ERMP1: variants seen among roughly 807,000 people sequenced by gnomAD.
The protein encoded by ERMP1 is endoplasmic reticulum metallopeptidase 1, also known as Felix-ina.
In ERMP1, 86 loss-of-function variants were observed where a neutral mutation model predicts 92.0. That is an observed-to-expected ratio of 0.93 (90% confidence interval 0.79 to 1.12). The LOEUF is 1.12. Ranked by LOEUF, ERMP1 falls within the 50% of genes most tolerant of loss-of-function variation. ERMP1 has a pLI of 0.00. For synonymous variants in ERMP1, 530 were observed against 412.8 expected, an observed-to-expected ratio of 1.28 and a Z score of -3.44; for missense variants, 1,342 against 1,116.3, an observed-to-expected ratio of 1.20 and a Z score of -2.88.
chr9:5,797,759 CACTTATTA>C (rs1828492753), intron 13 of ERMP1, 50 bp downstream of exon 13: 1 of 1,008,076 alleles, frequency 9.9e-7, no homozygotes, highest in African/African-American at 1.6e-5. Context: ...ACATACATGC[CACTTATTA>C]ACAAGTTTAA....
rs991489241 is a variant in ERMP1, at chr9:5,833,082, G to C, written c.-55C>G. On this transcript the variant is annotated 5_prime_UTR_variant, in exon 1 of 15. Coordinates refer to ENST00000339450, the MANE Select transcript of ERMP1 (RefSeq NM_024896.3). ...GCCCCAACCCGCGACAGCCCCGGCC[G>C]CCGCCGACGCCGCCGTCGCTGCCGC... The C allele has an allele frequency of 1.7e-5, 23 of 1,349,826 alleles. No individual in the cohort carries two copies. Among genetic ancestry groups the C allele is most frequent in the Non-Finnish European group, 2.0e-5 (21 of 1,045,182 alleles). 83.6% of individuals were successfully genotyped at this position (1,349,826 alleles called of 1,614,324 possible). A position where few individuals can be genotyped will look rare whatever the true frequency, so the allele number is the denominator to read the frequency against.
chr9:5,833,497 G>A (rs1374637755), upstream of ERMP1, among the ~76,000 whole-genome samples: 1 of 152,150 alleles, frequency 6.6e-6, no homozygotes, highest in Admixed American at 6.5e-5. Flanking sequence ...CGCAGAGGAG[G>A]CCCGGCCTAT....
chr9:5,844,167 C>G (rs573154675), intron 6 of ERMP1, among the ~76,000 whole-genome samples: 2 of 152,318 alleles, frequency 1.3e-5, no homozygotes, highest in South Asian at 4.1e-4. Flanking sequence ...ATCCTACATC[C>G]TGAGACTTCC....
At chr9:5,864,178 T>G (rs1008463975) in intron 5 of ERMP1, among the ~76,000 whole-genome samples, 3 of 152,248 alleles carry the variant, frequency 2.0e-5, no homozygotes, top group African/African-American at 7.2e-5. Context: ...TACATTTCAT[T>G]GATCAATGAA....
intron 13 of ERMP1, among the ~76,000 whole-genome samples, chr9:5,788,505 A>C (rs1828033323): frequency 6.6e-6 from 1 of 152,224 alleles, no homozygotes; most frequent in African/African-American, 2.4e-5. Context: ...AGAAAAATCC[A>C]GTCAAAAAAG....
Position 5,847,715 on chromosome 9 carries a change from A to G in ERMP1, n.3199+11753T>C, listed in dbSNP as rs1349717921. Among the ~76,000 whole-genome samples, 5 of 152,082 alleles carry G rather than the reference A, an allele frequency of 3.3e-5. No homozygotes were observed. In the South Asian group the frequency reaches 1.0e-3, roughly 32 times the overall value. Reference sequence around the variant, plus strand: ...TCGAGACCATCCTGGCTAACACGGTAAAACCCTGTGTCTACTACAAATACA... The same window carrying G: ...TCGAGACCATCCTGGCTAACACGGTGAAACCCTGTGTCTACTACAAATACA... On this transcript the variant is annotated intron_variant and non_coding_transcript_variant, in intron 6 of 6. Coordinates refer to the ERMP1 transcript ENST00000690753.
chr9:5,790,763 T>C (rs1828157262), intron 13 of ERMP1, among the ~76,000 whole-genome samples: 1 of 152,154 alleles, frequency 6.6e-6, no homozygotes, highest in African/African-American at 2.4e-5. Context: ...AACCACTTTA[T>C]AAAGAAAACT....
chr9:5,861,606 C>G (rs1830496369), intron 5 of ERMP1, among the ~76,000 whole-genome samples: 1 of 151,924 alleles, frequency 6.6e-6, no homozygotes, highest in East Asian at 1.9e-4. Flanking sequence ...CCTCTGGAAA[C>G]CTGGCAAGAG....
chr9:5,861,713 A>C (rs369313032), intron 5 of ERMP1, among the ~76,000 whole-genome samples: 177 of 99,454 alleles, frequency 1.8e-3, no homozygotes, highest in African/African-American at 5.9e-3. Flanking sequence ...AGAAGAGAGG[A>C]AGGGTTTTTT....
intron 11 of ERMP1, 39 bp downstream of exon 11, chr9:5,801,137 C>T: frequency 6.3e-7 from 1 of 1,580,386 alleles, no homozygotes; most frequent in Non-Finnish European, 8.6e-7. Flanking sequence ...CACAGGGCTT[C>T]CTTTCCAGAT....
At position 5,797,938 on chromosome 9, in the gene ERMP1, T is replaced by G. The variant is rs1209160050; in HGVS notation, c.2271-6A>C. 2 of 1,579,194 alleles carry G rather than the reference T, an allele frequency of 1.3e-6. No homozygotes were observed. The highest frequency in any genetic ancestry group is 1.7e-6 in the Non-Finnish European group (2 of 1,149,218). ...CAGGAAGATACCAGTTTTTCCTATT[T>G]AGAAAGGAAGCTTCAGTTTTAGGGT... is the stretch of plus-strand genomic sequence containing the variant. On this transcript the variant is annotated splice_polypyrimidine_tract_variant and splice_region_variant and intron_variant, in intron 12 of 14. Transcript: ENST00000339450.
intron 6 of ERMP1, 100 bp from the exon 7 acceptor site, chr9:5,811,423 T>C (rs1829090111): frequency 8.3e-6 from 7 of 846,996 alleles, no homozygotes; most frequent in Non-Finnish European, 1.3e-5. Flanking sequence ...AAAGCAGAAA[T>C]AAACCATATA....
chr9:5,796,128 T>G (rs1828416015), intron 13 of ERMP1, among the ~76,000 whole-genome samples: 2 of 152,188 alleles, frequency 1.3e-5, no homozygotes, highest in African/African-American at 4.8e-5. Flanking sequence ...TAAAATATCA[T>G]TTCTTCCCAC....
chr9:5,862,509 T>A (rs1689155322), intron 5 of ERMP1, among the ~76,000 whole-genome samples: 1 of 152,140 alleles, frequency 6.6e-6, no homozygotes, highest in Admixed American at 6.5e-5. Context: ...ATTTTTTAAT[T>A]TTTTGTACTT....
intron 11 of ERMP1, among the ~76,000 whole-genome samples, chr9:5,799,456 G>A (rs968450345): frequency 2.6e-5 from 4 of 152,016 alleles, no homozygotes; most frequent in African/African-American, 9.7e-5. Context: ...CTATGAAAAG[G>A]CACCGTGCTC....
chr9:5,788,410 G>A (rs1040659712), intron 13 of ERMP1, among the ~76,000 whole-genome samples: 1 of 151,916 alleles, frequency 6.6e-6, no homozygotes, highest in Non-Finnish European at 1.5e-5. Flanking sequence ...GCTTCTCAGG[G>A]AAAAATAAAA....
chr9:5,817,936 AACTG>A, intron 4 of ERMP1, among the ~76,000 whole-genome samples: 1 of 152,330 alleles, frequency 6.6e-6, no homozygotes, highest in Admixed American at 6.5e-5. Flanking sequence ...GAGGCCTGAA[AACTG>A]ACTGAATTTG....
At chr9:5,851,798 T>C (rs1830310455) in intron 6 of ERMP1, among the ~76,000 whole-genome samples, 2 of 152,102 alleles carry the variant, frequency 1.3e-5, no homozygotes, top group Admixed American at 1.3e-4. Context: ...TTAACACACA[T>C]AAAAATTGAG....
intron 8 of ERMP1, among the ~76,000 whole-genome samples, chr9:5,806,496 C>T (rs1006395318): frequency 9.9e-5 from 15 of 151,090 alleles, no homozygotes; most frequent in South Asian, 6.3e-4. Flanking sequence ...GGTGCGATCT[C>T]GGCCCACTGC....
Sources: gnomAD v4.1 joint callset for allele counts (sites outside exome capture counted in the v4.1 genomes callset) on GRCh38, gnomAD v4.1.1 for gene constraint, MANE v1.5 for transcripts, NCBI Gene and HGNC (gene_info 2026-07-23, HGNC 2026-07-21) for gene names.